The following ASH1L variants were observed in gnomAD, a reference collection of about 807,000 sequenced individuals.
ASH1L encodes ASH1 like histone lysine methyltransferase.
Under a neutral mutation model 269.0 loss-of-function variants are expected in ASH1L, and 23 were observed. That is an observed-to-expected ratio of 0.09 (90% confidence interval 0.06 to 0.12). The LOEUF (loss-of-function observed/expected upper bound fraction) is 0.12, where lower values mean the gene tolerates loss of function less well. Among genes scored for constraint, ASH1L ranks in the 10% least tolerant of loss-of-function variants. The pLI is 1.00. For synonymous variants in ASH1L, 1,187 were observed against 1,253.5 expected (o/e 0.95, Z 1.12); for missense variants, 2,912 against 3,567.8 (o/e 0.82, Z 4.68).
chr1:155,365,820 A>G (rs1483010268), intron 12 of ASH1L, among the ~76,000 whole-genome samples: 2 of 152,162 alleles, frequency 1.3e-5, no homozygotes, highest in Non-Finnish European at 2.9e-5. Context: ...GGCCCTTACC[A>G]TACTGACACT....
chr1:155,398,404 T>C (rs1658542154), intron 6 of ASH1L, among the ~76,000 whole-genome samples: 4 of 152,248 alleles, frequency 2.6e-5, no homozygotes, highest in Admixed American at 2.6e-4. Flanking sequence ...GTTTAGCATG[T>C]AACTGTACTG....
intron 4 of ASH1L, among the ~76,000 whole-genome samples, chr1:155,456,474 A>G (rs537816361): frequency 3.3e-5 from 5 of 152,240 alleles, no homozygotes; most frequent in African/African-American, 1.2e-4. Flanking sequence ...CTTCTGTGAC[A>G]TATACAGTTT....
At chr1:155,421,129 C>G (rs1004157811) in intron 5 of ASH1L, among the ~76,000 whole-genome samples, 1 of 149,860 alleles carries the variant, frequency 6.7e-6, no homozygotes, top group Non-Finnish European at 1.5e-5. Context: ...GTCCCAGCTA[C>G]TGAAGAGGCT....
chr1:155,367,411 G>T (rs1010039444), intron 12 of ASH1L, among the ~76,000 whole-genome samples: 1 of 152,058 alleles, frequency 6.6e-6, no homozygotes, highest in East Asian at 1.9e-4. Flanking sequence ...ATTCACTTAT[G>T]TCTGTAGAAA....
At position 155,411,974 on chromosome 1, in the gene ASH1L, G is replaced by A. The variant is rs180798279; in HGVS notation, c.6008+3770C>T. Among the ~76,000 whole-genome samples, 46 of 152,150 alleles carry A rather than the reference G, an allele frequency of 3.0e-4. No individual in the cohort carries two copies. In the East Asian group the frequency reaches 8.9e-3, roughly 30 times the overall value. Reference sequence around the variant, plus strand: ...ACTCAAAAAGAGGCCGGGCGCTGTGGCTCACTCCTGTAATCCCAGCACTTT... The same window carrying A: ...ACTCAAAAAGAGGCCGGGCGCTGTGACTCACTCCTGTAATCCCAGCACTTT... On this transcript the variant is annotated intron_variant, in intron 6 of 27. Coordinates refer to ENST00000392403, the MANE Select transcript of ASH1L (RefSeq NM_018489.3).
In ASH1L at chr1:155,556,438, G is replaced by A. The variant is rs202222748; in HGVS notation, c.-100+5715C>T. 2.3e-5 allele frequency among the ~76,000 whole-genome samples: 3 copies of A among 128,284 alleles called. No individual in the cohort carries two copies. In the Admixed American group the frequency reaches 2.4e-4, roughly 10 times the overall value. 84.2% of individuals were successfully genotyped at this position (128,284 alleles called of 152,430 possible). ...TGTGTGTGTGTGTGTGTGTGTGTGT[G>A]TATGTGTATATATATATATTTTTTG... On this transcript the variant is annotated intron_variant, in intron 1 of 27. Coordinates refer to ENST00000392403, the MANE Select transcript of ASH1L (RefSeq NM_018489.3).
rs1662312421 is a variant in ASH1L, at chr1:155,438,829, T to C, written c.5326A>G (p.Asn1776Asp). Residue 1776 changes from asparagine to aspartate, a missense_variant, in exon 5 of 28, where the codon AAT (asparagine) becomes GAT (aspartate). Asn to Asp is a conservative substitution (Grantham distance 23). Transcript: ENST00000392403. Reference protein sequence around the residue: ...LVPAVTSDSCNNSISLLSEKL... With the variant: ...LVPAVTSDSCDNSISLLSEKL... ...TCAGATAGGAGTGAGATGCTATTATTGCAAGAGTCACTTGTGACTGCAGGC... is the reference window on the plus strand; with the variant it reads ...TCAGATAGGAGTGAGATGCTATTATCGCAAGAGTCACTTGTGACTGCAGGC... 1.9e-6 allele frequency: 3 copies of C among 1,614,112 alleles called. No homozygotes were observed. The highest frequency in any genetic ancestry group is 2.5e-6 in the Non-Finnish European group (3 of 1,180,050).
chr1:155,434,092 T>C, intron 5 of ASH1L: 1 of 1,592,434 alleles, frequency 6.3e-7, no homozygotes. Flanking sequence ...CTGGGTCTCC[T>C]TTCTCAGGGG....
At position 155,347,466 on chromosome 1, in the gene ASH1L, A is replaced by C. The variant is rs1653457584; in HGVS notation, c.7803+190T>G. On this transcript the variant is annotated intron_variant, in intron 20 of 27. Coordinates refer to ENST00000392403, the MANE Select transcript of ASH1L (RefSeq NM_018489.3). ...GAGAGAAGGAAAGAAAAAGAAGGGA[A>C]GGATAAAGTGAAAGAAAGATAAAAG... Among the ~76,000 whole-genome samples, 3 of 152,272 alleles carry C rather than the reference A, an allele frequency of 2.0e-5. No individual in the cohort carries two copies. In the South Asian group the frequency reaches 6.2e-4, roughly 32 times the overall value.
intron 4 of ASH1L, among the ~76,000 whole-genome samples, chr1:155,441,303 C>A (rs1316581974): frequency 2.0e-5 from 3 of 151,626 alleles, no homozygotes; most frequent in Admixed American, 6.6e-5. Flanking sequence ...CTCCACCCCC[C>A]ACTCCCACCC....
intron 1 of ASH1L, among the ~76,000 whole-genome samples, chr1:155,552,026 G>A (rs1247535568): frequency 6.6e-6 from 1 of 152,078 alleles, no homozygotes; most frequent in African/African-American, 2.4e-5. Context: ...CTGGCTAACA[G>A]TATGTTATAT....
intron 3 of ASH1L, among the ~76,000 whole-genome samples, chr1:155,469,907 A>G (rs1303621943): frequency 6.6e-6 from 1 of 152,192 alleles, no homozygotes; most frequent in Non-Finnish European, 1.5e-5. Flanking sequence ...TACTCTTGGG[A>G]GTCTCATATA....
chr1:155,439,923 A>G (rs1209447148), intron 4 of ASH1L, among the ~76,000 whole-genome samples: 3 of 151,464 alleles, frequency 2.0e-5, no homozygotes, highest in African/African-American at 7.3e-5. Flanking sequence ...CTTTCTTCAA[A>G]TAATATCCAA....
upstream of ASH1L, chr1:155,563,124 T>C (rs564709010): frequency 4.4e-6 from 2 of 456,088 alleles, no homozygotes; most frequent in East Asian, 1.4e-4. Flanking sequence ...CTGCTCCTCC[T>C]CCTCCGCCGG....
rs767131555 is a variant in ASH1L, at chr1:155,478,551, T to C, written c.4319A>G (p.His1440Arg). The C allele has an allele frequency of 1.9e-6, 3 of 1,614,080 alleles. No homozygotes were observed. The highest frequency in any genetic ancestry group is 2.2e-5 in the East Asian group (1 of 44,882). Residue 1440 changes from histidine (H) to arginine (R), a missense_variant, in exon 3 of 28, where the codon CAT (histidine) becomes CGT (arginine). By Grantham distance (29) the His-to-Arg change is conservative. Coordinates refer to ENST00000392403, the MANE Select transcript of ASH1L (RefSeq NM_018489.3). This position sits in a 1 kb window ranked among gnomAD's most constrained non-coding sequence, Gnocchi z 4.6. The part of the protein sequence containing the change: ...GHLLLNPAKY[H>R]KKKHKLLRQE... ...TCGAAGTAGCTTATGCTTTTTCTTA[T>C]GGTATTTGGCAGGATTGAGAAGTAA...
chr1:155,386,280 A>G (rs947002770), intron 7 of ASH1L, among the ~76,000 whole-genome samples: 1 of 151,458 alleles, frequency 6.6e-6, no homozygotes, highest in Non-Finnish European at 1.5e-5. Flanking sequence ...ATGTTGGCCA[A>G]TGGTCTCAAA....
rs781584074 is a variant in ASH1L, at chr1:155,479,918, G to T, written c.2952C>A (p.Arg984=). 3 of 1,613,186 alleles carry T rather than the reference G, an allele frequency of 1.9e-6. No homozygotes were observed. The African/African-American group carries it at 4.0e-5, about 22-fold the overall frequency. The change falls in exon 3 of 28, where the codon CGC becomes CGA. Residue 984 remains arginine (R), a synonymous_variant. Transcript: ENST00000392403. The part of the protein sequence containing the change: ...NNGQLMKTII[R]KINKMKTLKR... Reference sequence around the variant, plus strand: ...TTAAAGTCTTCATTTTATTTATTTTGCGGATAATTGTTTTCATTAATTGTC... The same window carrying T: ...TTAAAGTCTTCATTTTATTTATTTTTCGGATAATTGTTTTCATTAATTGTC...
intron 5 of ASH1L, among the ~76,000 whole-genome samples, chr1:155,423,047 A>G (rs951912278): frequency 6.6e-6 from 1 of 150,978 alleles, no homozygotes; most frequent in African/African-American, 2.4e-5. Flanking sequence ...TCCCAGGCTC[A>G]AGCAACTCTC....
rs1232270481 is a variant in ASH1L at position 155,479,012 on chromosome 1, G to T, written c.3858C>A (p.Asp1286Glu). ...TTAGTTCCTCCAGCTCTGCAATAAA[G>T]TCTGGATCCTGTCTATTTCGAAGCT... is the stretch of plus-strand genomic sequence containing the variant. ...YPQLRNRQDP[D>E]FIAELEELIS... The change falls in exon 3 of 28, where the codon GAC becomes GAA. Residue 1286 changes from aspartate (D) to glutamate (E), a missense_variant. Coordinates refer to ENST00000392403, the MANE Select transcript of ASH1L (RefSeq NM_018489.3). 6.2e-7 allele frequency: 1 copy of T among 1,613,732 alleles called. No individual in the cohort carries two copies. The highest frequency in any genetic ancestry group is 1.7e-5 in the Admixed American group (1 of 60,022).
Sources: gnomAD v4.1 joint callset for allele counts (sites outside exome capture counted in the v4.1 genomes callset) on GRCh38, gnomAD v4.1.1 for gene constraint, Gnocchi (gnomAD v3.1) non-coding constraint, MANE v1.5 for transcripts, NCBI Gene and HGNC (gene_info 2026-07-23, HGNC 2026-07-21) for gene names.